Variants in CNTN4 observed in about 807,000 individuals in gnomAD.
CNTN4 encodes contactin 4, also known as contactin-4.
Under a neutral mutation model 122.5 loss-of-function variants are expected in CNTN4, and 77 were observed. That is an observed-to-expected ratio of 0.63 (90% confidence interval 0.52 to 0.76). The LOEUF is 0.76. Among genes scored for constraint, CNTN4 ranks in the 30% least tolerant of loss-of-function variants. CNTN4 has a pLI of 0.00. For synonymous variants in CNTN4, 512 were observed against 447.0 expected (o/e 1.15, Z -1.83); for missense variants, 1,256 against 1,259.1 (o/e 1.00, Z 0.04).
chr3:2,823,419 A>T (rs540231343), intron 7 of CNTN4, among the ~76,000 whole-genome samples: 1 of 152,334 alleles, frequency 6.6e-6, no homozygotes, highest in African/African-American at 2.4e-5. Context: ...CATTTCAGTC[A>T]GCAGGTATTT....
chr3:2,589,155 C>G (rs1218699957), intron 4 of CNTN4, among the ~76,000 whole-genome samples: 1 of 152,116 alleles, frequency 6.6e-6, no homozygotes, highest in Non-Finnish European at 1.5e-5. Flanking sequence ...ACAGCGATGG[C>G]CTGGCATAGA....
intron 3 of CNTN4, among the ~76,000 whole-genome samples, chr3:2,562,020 T>C (rs766189261): frequency 6.6e-5 from 10 of 152,172 alleles, no homozygotes; most frequent in Non-Finnish European, 1.2e-4. Flanking sequence ...TTCTTGATTT[T>C]ATTGTAATAA....
At chr3:2,202,527 C>G (rs2038146952) in intron 2 of CNTN4, among the ~76,000 whole-genome samples, 1 of 152,140 alleles carries the variant, frequency 6.6e-6, no homozygotes, top group Non-Finnish European at 1.5e-5. Flanking sequence ...GACTTAATTA[C>G]TGAGTCTAGG....
At position 2,828,420 on chromosome 3, in the gene CNTN4, T is replaced by C. The variant is rs536043352; in HGVS notation, c.454+8839T>C. Among the ~76,000 whole-genome samples, 3 of 152,270 alleles carry C rather than the reference T, an allele frequency of 2.0e-5. No individual in the cohort carries two copies. In the East Asian group the frequency reaches 5.8e-4, roughly 29 times the overall value. The stretch of plus-strand genomic sequence containing the variant: ...GAAAAGGTCCTGTAATAAGGCAAAA[T>C]GTAGGATCTCGTCATCTGGTCTTGG... On this transcript the variant is annotated intron_variant, in intron 7 of 24. Coordinates refer to ENST00000418658, the MANE Select transcript of CNTN4 (RefSeq NM_175607.3).
intron 4 of CNTN4, among the ~76,000 whole-genome samples, chr3:2,663,948 A>C (rs1054325259): frequency 2.6e-5 from 4 of 152,180 alleles, no homozygotes; most frequent in African/African-American, 9.7e-5. Flanking sequence ...GAATATGCAA[A>C]TCTATTGAGA....
chr3:2,576,108 T>G lies in CNTN4; in HGVS notation c.55+4550T>G, dbSNP rs1346469857. On this transcript the variant is annotated intron_variant, in intron 4 of 24. Coordinates refer to ENST00000418658, the MANE Select transcript of CNTN4 (RefSeq NM_175607.3). ...CCTCGGCCTCCCAGAGTGCTGGAAT[T>G]ACAGGCGTGAGCCACCACGCCCAGC... Among the ~76,000 whole-genome samples, 14 of 152,294 alleles carry G rather than the reference T, an allele frequency of 9.2e-5. No individual in the cohort carries two copies. The East Asian group carries it at 1.5e-3, about 17-fold the overall frequency.
In CNTN4 at chr3:2,790,229, G is replaced by C. The variant is rs142116146; in HGVS notation, c.359-29257G>C. 7.8e-3 allele frequency among the ~76,000 whole-genome samples: 1,187 copies of C among 152,300 alleles called. 13 individuals are homozygous for C. The highest frequency in any genetic ancestry group is 0.013 in the Non-Finnish European group (878 of 68,026). On this transcript the variant is annotated intron_variant, in intron 6 of 24. Coordinates refer to ENST00000418658, the MANE Select transcript of CNTN4 (RefSeq NM_175607.3). Reference sequence around the variant, plus strand: ...AGATTTTCATCTTCTGAGTGCTACTGCCTCACCTGGATGAGGTTCCCTCTT... The same window carrying C: ...AGATTTTCATCTTCTGAGTGCTACTCCCTCACCTGGATGAGGTTCCCTCTT...
rs750797262 is a variant in CNTN4, at chr3:3,039,002, A to G, written c.2162A>G (p.Glu721Gly). ...AAATCTGAACTGGTTATAACCTGGG[A>G]GGTAAATGAATCACAGAATAAAAGG... ...GSKSELVITW[E>G]TVPEELQNGR... The change falls in exon 19 of 25, where the codon GAG becomes GGG. Residue 721 changes from glutamate to glycine, a missense_variant and splice_region_variant. Glu to Gly is a moderately conservative substitution (Grantham distance 98). Transcript: ENST00000418658. 2.5e-6 allele frequency: 4 copies of G among 1,612,274 alleles called. No homozygotes were observed. The highest frequency in any genetic ancestry group is 2.5e-6 in the Non-Finnish European group (3 of 1,178,398).
chr3:2,778,249 T>G (rs150015847), intron 6 of CNTN4, among the ~76,000 whole-genome samples: 2,635 of 127,242 alleles, frequency 0.021, 37 homozygotes, highest in Admixed American at 0.033. Flanking sequence ...AATAAATAAA[T>G]AAATAAAATA....
At chr3:2,195,593 A>G (rs2037797097) in intron 2 of CNTN4, among the ~76,000 whole-genome samples, 2 of 152,230 alleles carry the variant, frequency 1.3e-5, no homozygotes, top group Admixed American at 1.3e-4. Flanking sequence ...GGAAATTAGC[A>G]TGTGTTTCTA....
intron 6 of CNTN4, among the ~76,000 whole-genome samples, chr3:2,813,027 C>T (rs754462079): frequency 1.3e-5 from 2 of 152,132 alleles, no homozygotes; most frequent in Non-Finnish European, 2.9e-5. Context: ...GACTTTGAAA[C>T]TCAGGTTTTG....
At chr3:2,764,130 C>T (rs2090729430) in intron 6 of CNTN4, among the ~76,000 whole-genome samples, 1 of 152,160 alleles carries the variant, frequency 6.6e-6, no homozygotes, top group East Asian at 1.9e-4. Context: ...CTACTCTGTG[C>T]TGGGCAGATA....
intron 4 of CNTN4, among the ~76,000 whole-genome samples, chr3:2,617,955 C>G (rs1362042974): frequency 6.6e-6 from 1 of 151,958 alleles, no homozygotes; most frequent in Non-Finnish European, 1.5e-5. Context: ...TTCAAATTTC[C>G]AAGAGATGGA....
At chr3:2,837,048 G>A (rs1304999258) in intron 7 of CNTN4, among the ~76,000 whole-genome samples, 1 of 152,130 alleles carries the variant, frequency 6.6e-6, no homozygotes, top group East Asian at 1.9e-4. Flanking sequence ...ATTATACCAT[G>A]ATTTCTACTT....
chr3:2,173,936 CGTT>C (rs2036627104), intron 2 of CNTN4, among the ~76,000 whole-genome samples: 4 of 152,052 alleles, frequency 2.6e-5, no homozygotes, highest in Admixed American at 2.0e-4. Flanking sequence ...TTGCTATTAT[CGTT>C]GTTTTATTTT....
intron 10 of CNTN4, among the ~76,000 whole-genome samples, chr3:2,888,797 A>ATG (rs975999773): frequency 6.6e-6 from 1 of 152,164 alleles, no homozygotes; most frequent in African/African-American, 2.4e-5. Flanking sequence ...GCACATGCAC[A>ATG]TGTTTCTTCT....
intron 5 of CNTN4, among the ~76,000 whole-genome samples, chr3:2,738,918 A>T (rs1214707356): frequency 6.6e-6 from 1 of 152,104 alleles, no homozygotes. Flanking sequence ...AATATTGAAA[A>T]CTTATGTTCA....
rs933624195 is a variant in CNTN4, at chr3:2,755,988, A to G, written c.358+10291A>G. 2.6e-5 allele frequency among the ~76,000 whole-genome samples: 4 copies of G among 152,344 alleles called. No individual in the cohort carries two copies. The East Asian group carries it at 5.8e-4, about 22-fold the overall frequency. On this transcript the variant is annotated intron_variant, in intron 6 of 24. Coordinates refer to ENST00000418658, the MANE Select transcript of CNTN4 (RefSeq NM_175607.3). Reference sequence around the variant, plus strand: ...CTGATCATTTTTAAGTTTAATTTTTAGGCACTGAAGGTCAACATTCATGTG... The same window carrying G: ...CTGATCATTTTTAAGTTTAATTTTTGGGCACTGAAGGTCAACATTCATGTG...
intron 8 of CNTN4, among the ~76,000 whole-genome samples, chr3:2,871,906 A>G (rs777210058): frequency 6.6e-6 from 1 of 152,236 alleles, no homozygotes; most frequent in African/African-American, 2.4e-5. Flanking sequence ...ATCAGAGTTT[A>G]TAGTTATTTA....
Sources: gnomAD v4.1 joint callset for allele counts (sites outside exome capture counted in the v4.1 genomes callset) on GRCh38, gnomAD v4.1.1 for gene constraint, MANE v1.5 for transcripts, NCBI Gene and HGNC (gene_info 2026-07-23, HGNC 2026-07-21) for gene names.